Variants in CPLX1 observed in about 807,000 individuals in gnomAD.
The protein encoded by CPLX1 is complexin-1.
CPLX1 carries 6 observed loss-of-function variants against 15.6 expected under a neutral mutation model. The ratio of observed to expected loss-of-function variants is 0.39; its 90% confidence interval spans 0.21 to 0.76. The LOEUF (loss-of-function observed/expected upper bound fraction) is 0.76, where lower values mean the gene tolerates loss of function less well. Among genes scored for constraint, CPLX1 ranks in the 30% least tolerant of loss-of-function variants. CPLX1 has a pLI of 0.43. For synonymous variants in CPLX1, 91 were observed against 75.2 expected (o/e 1.21, Z -1.08); for missense variants, 242 against 188.6 (o/e 1.28, Z -1.66).
intron 2 of CPLX1, among the ~76,000 whole-genome samples, chr4:798,004 G>A (rs2152644638): frequency 6.6e-6 from 1 of 152,274 alleles, no homozygotes; most frequent in African/African-American, 2.4e-5. Context: ...GCCAGGCACA[G>A]TGGCTCACGC....
chr4:787,725 C>T, intron 3 of CPLX1: 3 of 984,542 alleles, frequency 3.0e-6, no homozygotes, highest in Non-Finnish European at 3.6e-6. Flanking sequence ...AAGTTTTTGT[C>T]AGGCCCCGGG....
chr4:789,252 C>T (rs932360373), intron 3 of CPLX1, among the ~76,000 whole-genome samples: 1 of 152,114 alleles, frequency 6.6e-6, no homozygotes, highest in Non-Finnish European at 1.5e-5. Context: ...CCCAGGCACA[C>T]CCAGCCCCAG....
intron 2 of CPLX1, among the ~76,000 whole-genome samples, chr4:798,392 T>C (rs769917130): frequency 2.0e-5 from 3 of 151,960 alleles, no homozygotes; most frequent in Admixed American, 1.3e-4. Flanking sequence ...GGGAATTCAA[T>C]GAGGGTGAGG....
At chr4:803,383 G>A (rs1746494545) in intron 2 of CPLX1, among the ~76,000 whole-genome samples, 1 of 151,506 alleles carries the variant, frequency 6.6e-6, no homozygotes, top group Admixed American at 6.6e-5. Context: ...GAATTCTCAC[G>A]GTGCCTTTTC....
intron 2 of CPLX1, among the ~76,000 whole-genome samples, chr4:799,590 T>C (rs965630381): frequency 1.3e-5 from 2 of 152,154 alleles, no homozygotes; most frequent in Non-Finnish European, 2.9e-5. Flanking sequence ...AGGCTGGGCA[T>C]GGTGGCTCAC....
At chr4:788,903 G>C (rs1746084089) in intron 3 of CPLX1, among the ~76,000 whole-genome samples, 3 of 152,248 alleles carry the variant, frequency 2.0e-5, no homozygotes, top group South Asian at 4.1e-4. Context: ...GGCGGAACAT[G>C]AGTTGTGTGA....
chr4:795,805 TG>T (rs113411399), intron 2 of CPLX1, among the ~76,000 whole-genome samples: 8,016 of 93,268 alleles, frequency 0.086, 384 homozygotes, highest in African/African-American at 0.16. Context: ...GGAGAGGGGG[TG>T]GGGGGGGGGT....
chr4:807,616 G>A lies in CPLX1; in HGVS notation c.32-15008C>T, dbSNP rs367624303. Among the ~76,000 whole-genome samples the A allele has an allele frequency of 8.6e-4, 131 of 151,860 alleles. 3 individuals are homozygous for A. Among genetic ancestry groups the A allele is most frequent in the South Asian group, 3.1e-3 (15 of 4,796 alleles). Reference sequence around the variant, plus strand: ...CAGCCTCCCAAGTAGCTGAGATTACGGGCAGGTGCCACCATGCCCGGCCAA... The same window carrying A: ...CAGCCTCCCAAGTAGCTGAGATTACAGGCAGGTGCCACCATGCCCGGCCAA... On this transcript the variant is annotated intron_variant, in intron 2 of 3. Transcript: ENST00000304062.
At chr4:810,198 T>C (rs889818981) in intron 2 of CPLX1, among the ~76,000 whole-genome samples, 3 of 151,864 alleles carry the variant, frequency 2.0e-5, no homozygotes, top group South Asian at 2.1e-4. Flanking sequence ...TACAGGCGCC[T>C]GCAACCACGC....
chr4:801,285 G>A (rs1405372353), intron 2 of CPLX1, among the ~76,000 whole-genome samples: 1 of 152,002 alleles, frequency 6.6e-6, no homozygotes, highest in Non-Finnish European at 1.5e-5. Context: ...TCGGGCCACT[G>A]CACTCCAGTC....
chr4:800,569 T>TGTGG (rs1286461047), intron 2 of CPLX1, among the ~76,000 whole-genome samples: 3 of 144,098 alleles, frequency 2.1e-5, no homozygotes, highest in Non-Finnish European at 4.5e-5. Context: ...AATATATGTG[T>TGTGG]GTGTGTGTGT....
At chr4:812,307 C>A (rs1205006812) in intron 2 of CPLX1, among the ~76,000 whole-genome samples, 1 of 151,984 alleles carries the variant, frequency 6.6e-6, no homozygotes, top group Non-Finnish European at 1.5e-5. Context: ...GATCTCCTCA[C>A]CTCAGGTGAT....
Position 786,571 on chromosome 4 carries a change from T to A in CPLX1, c.335A>T (p.Glu112Val), listed in dbSNP as rs1233776094. 1.2e-6 allele frequency: 2 copies of A among 1,610,146 alleles called. No individual in the cohort carries two copies. Among genetic ancestry groups the A allele is most frequent in the East Asian group, 2.2e-5 (1 of 44,724 alleles). The change falls in exon 4 of 4, where the codon GAG (glutamate) becomes GTG (valine). Residue 112 changes from glutamate (E) to valine (V), a missense_variant. Transcript: ENST00000304062. ...GACGGTGTCCAGGATGCTCTCGTCC[T>A]CCTCCTCCACCTCGTCCCCGCAGCC... ...PPGCGDEVEE[E>V]DESILDTVIK...
chr4:788,101 ACAGGGAGGGGCCTTTCTGCC>A (rs1746056880), intron 3 of CPLX1: 1 of 985,398 alleles, frequency 1.0e-6, no homozygotes, highest in Middle Eastern at 5.2e-4. Context: ...ATCACCAGCC[ACAGGGAGGGGCCTTTCTGCC>A]CAGGAGGAGC....
At chr4:787,886 G>T (rs1448569953) in intron 3 of CPLX1, 1 of 985,304 alleles carries the variant, frequency 1.0e-6, no homozygotes, top group Non-Finnish European at 1.2e-6. Flanking sequence ...AGTGGGGTTG[G>T]GCTGGCCTGG....
At chr4:810,817 C>A (rs1033268052) in intron 2 of CPLX1, among the ~76,000 whole-genome samples, 3 of 151,942 alleles carry the variant, frequency 2.0e-5, no homozygotes, top group African/African-American at 7.3e-5. Flanking sequence ...CTGCCCCAGC[C>A]TCCCGAGTAG....
At chr4:817,485 G>A (rs1164949727) in intron 2 of CPLX1, among the ~76,000 whole-genome samples, 3 of 151,754 alleles carry the variant, frequency 2.0e-5, no homozygotes, top group African/African-American at 7.3e-5. Context: ...TTGAACCCAG[G>A]AGGCGGAGGT....
chr4:788,394 G>A (rs1746065412), intron 3 of CPLX1: 7 of 985,304 alleles, frequency 7.1e-6, no homozygotes, highest in Non-Finnish European at 7.2e-6. Flanking sequence ...CACGTTCCCA[G>A]CCGCCTGTGG....
chr4:800,398 G>A (rs1003523893), intron 2 of CPLX1, among the ~76,000 whole-genome samples: 5 of 152,106 alleles, frequency 3.3e-5, no homozygotes, highest in Non-Finnish European at 7.3e-5. Context: ...ACTTTGGGAG[G>A]CCAAGGCGGG....
Sources: gnomAD v4.1 joint callset for allele counts (sites outside exome capture counted in the v4.1 genomes callset) on GRCh38, gnomAD v4.1.1 for gene constraint, MANE v1.5 for transcripts, NCBI Gene and HGNC (gene_info 2026-07-23, HGNC 2026-07-21) for gene names.